The following ATRNL1 variants were observed in gnomAD, a reference collection of about 807,000 sequenced individuals.
ATRNL1 encodes attractin-like protein 1.
Under a neutral mutation model 182.7 loss-of-function variants are expected in ATRNL1, and 95 were observed. That is an observed-to-expected ratio of 0.52 (90% confidence interval 0.44 to 0.62). The LOEUF (loss-of-function observed/expected upper bound fraction) is 0.62, where lower values mean the gene tolerates loss of function less well. Among genes scored for constraint, ATRNL1 ranks in the 20% least tolerant of loss-of-function variants. The pLI, the probability that ATRNL1 is intolerant of heterozygous loss-of-function variation, is 0.00. For synonymous variants in ATRNL1, 576 were observed against 568.3 expected, an observed-to-expected ratio of 1.01 and a Z score of -0.19; for missense variants, 1,471 against 1,679.5, an observed-to-expected ratio of 0.88 and a Z score of 2.17.
At chr10:115,640,679 T>G (rs1859183532) in intron 26 of ATRNL1, among the ~76,000 whole-genome samples, 4 of 152,202 alleles carry the variant, frequency 2.6e-5, no homozygotes, top group Admixed American at 1.3e-4. Context: ...ATTAGCTTTT[T>G]GTCAGATGGA....
intron 26 of ATRNL1, among the ~76,000 whole-genome samples, chr10:115,699,644 C>CATTT (rs770014371): frequency 2.0e-5 from 3 of 151,988 alleles, no homozygotes; most frequent in Admixed American, 2.0e-4. Flanking sequence ...AGTCAGAGAA[C>CATTT]ATTTATTTGT....
At chr10:115,711,015 G>A (rs1947047383) in intron 26 of ATRNL1, among the ~76,000 whole-genome samples, 1 of 152,082 alleles carries the variant, frequency 6.6e-6, no homozygotes, top group South Asian at 2.1e-4. Context: ...CAGAAAAATG[G>A]ACACTGGGTA....
At chr10:115,508,699 A>G (rs1208856936) in intron 24 of ATRNL1, among the ~76,000 whole-genome samples, 1 of 152,060 alleles carries the variant, frequency 6.6e-6, no homozygotes, top group Non-Finnish European at 1.5e-5. Context: ...TCAATTCTAC[A>G]AAGTCTGAGA....
intron 8 of ATRNL1, among the ~76,000 whole-genome samples, chr10:115,215,416 G>T (rs1554895939): frequency 6.6e-6 from 1 of 152,086 alleles, no homozygotes; most frequent in African/African-American, 2.4e-5. Flanking sequence ...TGTAATATAA[G>T]AATAAAGTTT....
chr10:115,864,270 A>G (rs1260954280), intron 28 of ATRNL1, among the ~76,000 whole-genome samples: 1 of 151,162 alleles, frequency 6.6e-6, no homozygotes, highest in African/African-American at 2.4e-5. Flanking sequence ...CAGTGTCACA[A>G]GAAAAAAAAA....
At chr10:115,345,389 G>A (rs1350852177) in intron 19 of ATRNL1, among the ~76,000 whole-genome samples, 2 of 152,190 alleles carry the variant, frequency 1.3e-5, no homozygotes, top group African/African-American at 4.8e-5. Context: ...CAGGACAGCA[G>A]TGAGTTCAGT....
At chr10:115,901,810 T>C (rs1442847646) in intron 28 of ATRNL1, among the ~76,000 whole-genome samples, 1 of 150,522 alleles carries the variant, frequency 6.6e-6, no homozygotes, top group African/African-American at 2.4e-5. Flanking sequence ...AAAAACATCA[T>C]GTTTTGAACT....
chr10:115,462,138 C>A (rs1447817213), intron 22 of ATRNL1, 103 bp downstream of exon 22: 4 of 678,150 alleles, frequency 5.9e-6, no homozygotes, highest in South Asian at 2.6e-5. Flanking sequence ...CATTGTAGGG[C>A]CTTTGTAGAA....
intron 8 of ATRNL1, among the ~76,000 whole-genome samples, chr10:115,172,992 C>G (rs1554886017): frequency 6.6e-6 from 1 of 151,854 alleles, no homozygotes. Flanking sequence ...ACCTTTTCCT[C>G]TCTCCTCAAG....
intron 14 of ATRNL1, among the ~76,000 whole-genome samples, chr10:115,282,945 TCTC>T: frequency 6.6e-6 from 1 of 151,880 alleles, no homozygotes; most frequent in Non-Finnish European, 1.5e-5. Flanking sequence ...ATTAGGTATT[TCTC>T]CTCCTAATGC....
chr10:115,846,252 A>G (rs374415944), intron 27 of ATRNL1, among the ~76,000 whole-genome samples: 5 of 152,064 alleles, frequency 3.3e-5, no homozygotes, highest in African/African-American at 1.2e-4. Context: ...AAATGTATCT[A>G]TATGAGGATA....
At chr10:115,534,251 A>T (rs1554989464) in intron 25 of ATRNL1, among the ~76,000 whole-genome samples, 1 of 151,100 alleles carries the variant, frequency 6.6e-6, no homozygotes, top group East Asian at 1.9e-4. Flanking sequence ...GTCTCCTTGC[A>T]GGTCACTCAG....
intron 26 of ATRNL1, among the ~76,000 whole-genome samples, chr10:115,680,019 GT>G (rs1211629121): frequency 6.6e-6 from 1 of 152,062 alleles, no homozygotes; most frequent in African/African-American, 2.4e-5. Flanking sequence ...TTAACCAAAT[GT>G]TTTTGTACTG....
chr10:115,732,848 A>AGTTCATGAGCAC (rs1479372361), intron 27 of ATRNL1, among the ~76,000 whole-genome samples: 2 of 152,332 alleles, frequency 1.3e-5, no homozygotes, highest in East Asian at 3.9e-4. Context: ...CATGTAGTAT[A>AGTTCATGAGCAC]CTTTGATTCC....
chr10:115,629,688 G>C (rs1316972171), intron 26 of ATRNL1, among the ~76,000 whole-genome samples: 2 of 152,126 alleles, frequency 1.3e-5, no homozygotes, highest in African/African-American at 4.8e-5. Context: ...ATCATTAGTT[G>C]AACCAACTCG....
intron 20 of ATRNL1, among the ~76,000 whole-genome samples, chr10:115,399,303 T>C (rs532616832): frequency 2.3e-4 from 35 of 152,156 alleles, no homozygotes; most frequent in African/African-American, 7.7e-4. Flanking sequence ...ACTCATCATG[T>C]CCTGGGTTTC....
intron 27 of ATRNL1, among the ~76,000 whole-genome samples, chr10:115,738,157 G>A (rs200552570): frequency 6.0e-5 from 1 of 16,736 alleles, no homozygotes; most frequent in Non-Finnish European, 1.2e-4. Flanking sequence ...TTTTTTTTTT[G>A]AGATGGAGTC....
intron 24 of ATRNL1, among the ~76,000 whole-genome samples, chr10:115,513,231 A>G (rs1315066158): frequency 6.6e-6 from 1 of 151,938 alleles, no homozygotes; most frequent in Non-Finnish European, 1.5e-5. Context: ...GAGAATAGCC[A>G]GATACACTTG....
chr10:115,774,472 A>G (rs1278063146), intron 27 of ATRNL1, among the ~76,000 whole-genome samples: 1 of 148,458 alleles, frequency 6.7e-6, no homozygotes, highest in African/African-American at 2.5e-5. Flanking sequence ...AGTGAAAGCT[A>G]GGGGTGGCTT....
Sources: gnomAD v4.1 joint callset for allele counts (sites outside exome capture counted in the v4.1 genomes callset) on GRCh38, gnomAD v4.1.1 for gene constraint, MANE v1.5 for transcripts, NCBI Gene and HGNC (gene_info 2026-07-23, HGNC 2026-07-21) for gene names.